COL26A1: variants seen among roughly 807,000 people sequenced by gnomAD.
The protein encoded by COL26A1 is collagen type XXVI alpha 1 chain, also known as collagen alpha-1(XXVI) chain.
COL26A1 carries 41 observed loss-of-function variants against 59.3 expected under a neutral mutation model. That is an observed-to-expected ratio of 0.69 (90% CI 0.54 to 0.90). The LOEUF is 0.90. COL26A1 is among the 40% of genes least tolerant of loss of function. COL26A1 has a pLI of 0.00. For missense variants in COL26A1, 612 were observed against 602.3 expected, an observed-to-expected ratio of 1.02 and a Z score of -0.17; for synonymous variants, 266 against 256.0, an observed-to-expected ratio of 1.04 and a Z score of -0.37.
At chr7:101,372,451 C>T (rs73712141) in intron 1 of COL26A1, among the ~76,000 whole-genome samples, 3,802 of 151,456 alleles carry the variant, frequency 0.025, 154 homozygotes, top group African/African-American at 0.08. Context: ...TGTGAGCCAC[C>T]GCACCTGGCC....
chr7:101,448,775 A>G (rs1486140081), intron 3 of COL26A1, among the ~76,000 whole-genome samples: 1 of 152,166 alleles, frequency 6.6e-6, no homozygotes, highest in Non-Finnish European at 1.5e-5. Context: ...TACAGGTGTG[A>G]ACCACCTCTC....
At chr7:101,492,902 G>C (rs1283352060) in intron 3 of COL26A1, among the ~76,000 whole-genome samples, 2 of 151,328 alleles carry the variant, frequency 1.3e-5, no homozygotes, top group African/African-American at 4.8e-5. Context: ...ACCACGCCCA[G>C]CTAATTTTTG....
chr7:101,426,124 CAG>C (rs775420364), intron 2 of COL26A1, among the ~76,000 whole-genome samples: 3 of 152,102 alleles, frequency 2.0e-5, no homozygotes, highest in South Asian at 4.2e-4. Context: ...TGCGTCAGGC[CAG>C]CATAATTTTT....
intron 2 of COL26A1, among the ~76,000 whole-genome samples, chr7:101,429,770 T>C (rs1584400521): frequency 6.6e-6 from 1 of 150,928 alleles, no homozygotes; most frequent in Admixed American, 6.6e-5. Context: ...TTAAAAAGAA[T>C]TTTTTTTTGT....
intron 1 of COL26A1, among the ~76,000 whole-genome samples, chr7:101,397,466 T>TCCTA (rs1791883822): frequency 8.1e-6 from 1 of 123,082 alleles, no homozygotes; most frequent in Non-Finnish European, 1.7e-5. Flanking sequence ...TTCTTTGCTC[T>TCCTA]CCTTCCTTCC....
chr7:101,386,174 A>G (rs576074613), intron 1 of COL26A1, among the ~76,000 whole-genome samples: 46 of 151,738 alleles, frequency 3.0e-4, no homozygotes, highest in Admixed American at 6.6e-4. Flanking sequence ...ATGATGCTGC[A>G]GTTGGCCAGA....
chr7:101,452,547 T>C (rs1034805112), intron 3 of COL26A1, among the ~76,000 whole-genome samples: 9 of 152,134 alleles, frequency 5.9e-5, no homozygotes, highest in Non-Finnish European at 1.3e-4. Flanking sequence ...AAGATTTGTC[T>C]TTATGGGAAC....
Position 101,389,029 on chromosome 7 carries a change from G to T in COL26A1, c.158+25839G>T. 1.1e-5 allele frequency: 3 copies of T among 284,560 alleles called. No homozygotes were observed. In the South Asian group the frequency reaches 1.2e-4, roughly 12 times the overall value. The allele number at this position is 284,560 out of a possible 1,614,324, so 17.6% of individuals were successfully genotyped here. ...TTCTTGGGCTTTTTAGCCTTGAGGT[G>T]ACCGTTTTTCACCTTGCCACCAGAA... On this transcript the variant is annotated intron_variant, in intron 1 of 12. Transcript: ENST00000313669.
At chr7:101,488,243 T>C (rs1459405356) in intron 3 of COL26A1, among the ~76,000 whole-genome samples, 1 of 148,538 alleles carries the variant, frequency 6.7e-6, no homozygotes, top group African/African-American at 2.5e-5. Flanking sequence ...ATCGCGCCAC[T>C]ACACTCCAGC....
chr7:101,414,039 G>A (rs1361284798), intron 1 of COL26A1, among the ~76,000 whole-genome samples: 1 of 152,094 alleles, frequency 6.6e-6, no homozygotes, highest in Non-Finnish European at 1.5e-5. Context: ...GGGATCCTAG[G>A]GGCAAGGCAA....
intron 3 of COL26A1, among the ~76,000 whole-genome samples, chr7:101,479,132 C>A (rs1202924046): frequency 1.3e-5 from 2 of 152,186 alleles, no homozygotes; most frequent in Non-Finnish European, 2.9e-5. Context: ...ACAGTTAATT[C>A]TTCTACATAT....
intron 3 of COL26A1, among the ~76,000 whole-genome samples, chr7:101,501,964 T>C (rs943479217): frequency 3.5e-4 from 53 of 152,006 alleles, no homozygotes; most frequent in African/African-American, 1.3e-3. Flanking sequence ...CTTCCGCCCT[T>C]TCTTCCGGAT....
At chr7:101,447,205 A>G (rs1402427979) in intron 2 of COL26A1, among the ~76,000 whole-genome samples, 1 of 152,330 alleles carries the variant, frequency 6.6e-6, no homozygotes, top group East Asian at 1.9e-4. Flanking sequence ...TGTTATCTCC[A>G]GGAGCAATTT....
intron 3 of COL26A1, among the ~76,000 whole-genome samples, chr7:101,499,851 A>G (rs1377775102): frequency 1.3e-5 from 2 of 148,712 alleles, no homozygotes; most frequent in Admixed American, 1.3e-4. Flanking sequence ...CTGCACTCCA[A>G]CCTGGGTGAT....
At chr7:101,387,778 A>ATATTTTTTTTTTTTTTTTT (rs773025730) in intron 1 of COL26A1, among the ~76,000 whole-genome samples, 3 of 84,836 alleles carry the variant, frequency 3.5e-5, no homozygotes, top group Non-Finnish European at 6.5e-5. Context: ...ATATATATAT[A>ATATTTTTTTTTTTTTTTTT]TTTTTTTTTA....
intron 12 of COL26A1, among the ~76,000 whole-genome samples, chr7:101,556,870 T>C (rs762491380): frequency 1.3e-5 from 2 of 151,480 alleles, no homozygotes; most frequent in East Asian, 3.9e-4. Flanking sequence ...AATGGATAGA[T>C]GCATAGATAA....
intron 3 of COL26A1, among the ~76,000 whole-genome samples, chr7:101,495,411 AT>A (rs5886195): frequency 3.3e-3 from 468 of 142,060 alleles, no homozygotes; most frequent in Middle Eastern, 0.015. Flanking sequence ...AGCCTGGGGA[AT>A]TTTTTTTTTT....
chr7:101,523,047 G>T (rs1795170297), intron 3 of COL26A1, among the ~76,000 whole-genome samples: 1 of 151,792 alleles, frequency 6.6e-6, no homozygotes. Flanking sequence ...TTCTCTTAAT[G>T]GTGTCTTTTG....
intron 1 of COL26A1, among the ~76,000 whole-genome samples, chr7:101,386,958 C>T (rs563174572): frequency 6.6e-6 from 1 of 152,166 alleles, no homozygotes; most frequent in South Asian, 2.1e-4. Context: ...AGAGCATCTG[C>T]CCTAGATTAA....
Sources: gnomAD v4.1 joint callset for allele counts (sites outside exome capture counted in the v4.1 genomes callset) on GRCh38, gnomAD v4.1.1 for gene constraint, MANE v1.5 for transcripts, NCBI Gene and HGNC (gene_info 2026-07-23, HGNC 2026-07-21) for gene names.